Variants in SPIRE1 observed in about 807,000 individuals in gnomAD.
The protein encoded by SPIRE1 is protein spire homolog 1.
In SPIRE1, 40 loss-of-function variants were observed where a neutral mutation model predicts 94.1. The ratio of observed to expected loss-of-function variants is 0.43; its 90% confidence interval spans 0.33 to 0.55. The LOEUF is 0.55. Ranked by LOEUF, SPIRE1 falls within the 20% of genes least tolerant of loss-of-function variation. SPIRE1 has a pLI of 0.06. For synonymous variants in SPIRE1, 376 were observed against 371.7 expected (o/e 1.01, Z -0.13); for missense variants, 838 against 975.2 (o/e 0.86, Z 1.87).
At chr18:12,634,258 TAAAAAAA>T (rs71174115) in intron 2 of SPIRE1, among the ~76,000 whole-genome samples, 4 of 140,926 alleles carry the variant, frequency 2.8e-5, no homozygotes, top group Non-Finnish European at 3.1e-5. Context: ...AAAATAAAAA[TAAAAAAA>T]AAAAAAAATA....
intron 2 of SPIRE1, among the ~76,000 whole-genome samples, chr18:12,626,888 T>TATATATATATATATATA (rs1567976766): frequency 4.4e-4 from 20 of 45,774 alleles, no homozygotes; most frequent in South Asian, 1.1e-3. Context: ...ATATATATAT[T>TATATATATATATATATA]TTTTTTTTTT....
chr18:12,624,269 G>A (rs1402738211), intron 2 of SPIRE1, among the ~76,000 whole-genome samples: 1 of 151,660 alleles, frequency 6.6e-6, no homozygotes, highest in Non-Finnish European at 1.5e-5. Context: ...ATGGCTGGGA[G>A]TGGTGGCTCA....
At chr18:12,541,760 G>C (rs2035020412) in intron 3 of SPIRE1, among the ~76,000 whole-genome samples, 1 of 151,832 alleles carries the variant, frequency 6.6e-6, no homozygotes, top group Non-Finnish European at 1.5e-5. Flanking sequence ...CTAAAAATCT[G>C]TGTCTTTTAA....
At chr18:12,508,128 G>C (rs1175451786) in intron 5 of SPIRE1, among the ~76,000 whole-genome samples, 1 of 151,826 alleles carries the variant, frequency 6.6e-6, no homozygotes, top group South Asian at 2.1e-4. Context: ...CCTGACGACA[G>C]AGTGAGATTC....
chr18:12,560,894 C>T (rs1248058334), intron 2 of SPIRE1, among the ~76,000 whole-genome samples: 3 of 152,056 alleles, frequency 2.0e-5, no homozygotes, highest in African/African-American at 7.2e-5. Flanking sequence ...ACAAAAAGAA[C>T]AAATAAGACT....
At chr18:12,615,577 T>C (rs910051329) in intron 2 of SPIRE1, among the ~76,000 whole-genome samples, 2 of 136,028 alleles carry the variant, frequency 1.5e-5, no homozygotes, top group Non-Finnish European at 3.2e-5. Context: ...TAAGATAACA[T>C]TTTTCAAAGA....
intron 9 of SPIRE1, among the ~76,000 whole-genome samples, chr18:12,485,261 C>T (rs1190838658): frequency 2.6e-5 from 4 of 152,096 alleles, no homozygotes; most frequent in South Asian, 2.1e-4. Flanking sequence ...TGTGCCACCA[C>T]GCCTGGCTAA....
intron 1 of SPIRE1, among the ~76,000 whole-genome samples, chr18:12,636,697 G>T (rs1055381542): frequency 6.6e-6 from 1 of 151,932 alleles, no homozygotes; most frequent in Non-Finnish European, 1.5e-5. Flanking sequence ...TATAAAATGA[G>T]CTTACTAGCT....
intron 9 of SPIRE1, among the ~76,000 whole-genome samples, chr18:12,481,605 T>A (rs1044494473): frequency 5.3e-5 from 8 of 152,138 alleles, no homozygotes; most frequent in African/African-American, 1.9e-4. Context: ...CCATTAATTA[T>A]CTTTTTACAT....
At chr18:12,512,949 G>A (rs1372500888) in intron 4 of SPIRE1, among the ~76,000 whole-genome samples, 1 of 151,666 alleles carries the variant, frequency 6.6e-6, no homozygotes, top group East Asian at 1.9e-4. Context: ...CTTCCTTTCA[G>A]ATATCACACT....
chr18:12,657,657 G>A lies in SPIRE1; in HGVS notation c.210C>T (p.Arg70=). 1 of 1,327,248 alleles carries A rather than the reference G, an allele frequency of 7.5e-7. No homozygotes were observed. The highest frequency in any genetic ancestry group is 2.1e-5 in the South Asian group (1 of 48,476). 82.2% of individuals were successfully genotyped at this position (1,327,248 alleles called of 1,614,324 possible). A position where few individuals can be genotyped will look rare whatever the true frequency, so the allele number is the denominator to read the frequency against. Residue 70 remains arginine (R), a synonymous_variant, in exon 1 of 17, where the codon CGC becomes CGT. Coordinates refer to ENST00000409402, the MANE Select transcript of SPIRE1 (RefSeq NM_001128626.2). ...GGGGCTGGCGGCGGCGGGCGGCGGC[G>A]CGCAGGGAACCGCAGCACTGGTAGC... The part of the protein sequence containing the change: ...AVCYQCCGSL[R]AAARRRQPRH...
intron 8 of SPIRE1, among the ~76,000 whole-genome samples, chr18:12,489,457 A>C (rs1311080088): frequency 6.6e-6 from 1 of 152,208 alleles, no homozygotes; most frequent in East Asian, 1.9e-4. Context: ...TGTGTTAAGA[A>C]GGGGATGCAA....
At position 12,657,619 on chromosome 18, in the gene SPIRE1, C is replaced by T; in HGVS notation, c.248G>A (p.Arg83His). 1.5e-6 allele frequency: 2 copies of T among 1,298,864 alleles called. No homozygotes were observed. The highest frequency in any genetic ancestry group is 2.5e-5 in the South Asian group (1 of 40,734). 80.5% of individuals were successfully genotyped at this position (1,298,864 alleles called of 1,614,324 possible). ...ARRRQPRHRV[R>H]SAAQIRVWRD... ...CCAGACGCGGATCTGCGCGGCCGAG[C>T]GCACACGGTGGCGGGGCTGGCGGCG... Residue 83 changes from arginine (R) to histidine (H), a missense_variant, in exon 1 of 17, where the codon CGC becomes CAC. Coordinates refer to ENST00000409402, the MANE Select transcript of SPIRE1 (RefSeq NM_001128626.2).
Position 12,541,163 on chromosome 18 carries a change from T to C in SPIRE1, c.603+5511A>G, listed in dbSNP as rs115522464. 9.8e-3 allele frequency among the ~76,000 whole-genome samples: 1,499 copies of C among 152,382 alleles called. 36 individuals are homozygous for C. The highest frequency in any genetic ancestry group is 0.033 in the African/African-American group (1,386 of 41,590). On this transcript the variant is annotated intron_variant, in intron 3 of 16. Transcript: ENST00000409402. Reference sequence around the variant, plus strand: ...ATATGTGGAAATAATAAAATCTTTTTGTTATTCATATCTGGCTTAATTCCA... The same window carrying C: ...ATATGTGGAAATAATAAAATCTTTTCGTTATTCATATCTGGCTTAATTCCA...
At chr18:12,595,309 T>A (rs1186337184) in intron 2 of SPIRE1, among the ~76,000 whole-genome samples, 1 of 151,172 alleles carries the variant, frequency 6.6e-6, no homozygotes, top group African/African-American at 2.4e-5. Flanking sequence ...CTGTCAATAA[T>A]AATAATAATA....
intron 2 of SPIRE1, among the ~76,000 whole-genome samples, chr18:12,558,347 A>G (rs2035580035): frequency 6.6e-6 from 1 of 152,182 alleles, no homozygotes; most frequent in African/African-American, 2.4e-5. Context: ...TGGCTTCAGG[A>G]GTGAAGCTGC....
In SPIRE1 at chr18:12,504,583, C is replaced by A. The variant is rs184719050; in HGVS notation, c.972+1894G>T. Among the ~76,000 whole-genome samples the A allele has an allele frequency of 1.2e-4, 18 of 152,254 alleles. No individual in the cohort carries two copies. The East Asian group carries it at 3.3e-3, about 28-fold the overall frequency. On this transcript the variant is annotated intron_variant, in intron 6 of 16. Coordinates refer to ENST00000409402, the MANE Select transcript of SPIRE1 (RefSeq NM_001128626.2). ...TAAAATAACTTTGATTAAATTTCCT[C>A]AAAAATGTGGATAGAATTCATTAAT...
intron 10 of SPIRE1, among the ~76,000 whole-genome samples, chr18:12,475,591 AT>A (rs768037600): frequency 1.3e-5 from 2 of 152,220 alleles, no homozygotes; most frequent in Non-Finnish European, 2.9e-5. Context: ...AAAAATTACT[AT>A]AAAATGTGAA....
intron 10 of SPIRE1, among the ~76,000 whole-genome samples, chr18:12,470,855 G>A (rs1290490846): frequency 6.6e-6 from 1 of 151,820 alleles, no homozygotes; most frequent in Non-Finnish European, 1.5e-5. Context: ...ACTGAGTTAG[G>A]GCTTCTCTAG....
Sources: allele counts gnomAD v4.1 joint callset (sites outside exome capture counted in the v4.1 genomes callset), GRCh38; gene constraint gnomAD v4.1.1; transcripts MANE v1.5; gene names NCBI Gene and HGNC (gene_info 2026-07-23, HGNC 2026-07-21).